Variants in PHRF1 observed in about 807,000 individuals in gnomAD.
PHRF1 encodes the protein PHD and RING finger domain-containing protein 1.
PHRF1 carries 53 observed loss-of-function variants against 128.9 expected under a neutral mutation model. The observed-to-expected ratio is 0.41, with a 90% CI of 0.33 to 0.52. The LOEUF (loss-of-function observed/expected upper bound fraction) is 0.52, where lower values mean the gene tolerates loss of function less well. Among genes scored for constraint, PHRF1 ranks in the 20% least tolerant of loss-of-function variants. The pLI, the probability that PHRF1 is intolerant of heterozygous loss-of-function variation, is 0.21. For synonymous variants in PHRF1, 1,178 were observed against 980.6 expected, an observed-to-expected ratio of 1.20 and a Z score of -3.76; for missense variants, 2,503 against 2,284.5, an observed-to-expected ratio of 1.10 and a Z score of -1.95.
chr11:599,533 CTG>C (rs1855508717), intron 9 of PHRF1, among the ~76,000 whole-genome samples: 1 of 152,070 alleles, frequency 6.6e-6, no homozygotes, highest in African/African-American at 2.4e-5. Context: ...TTACAGGCCT[CTG>C]AGCCACTGCG....
chr11:576,675 CGGCCTGCACCGCGGGGCGA>C (rs1217982690), intron 1 of PHRF1, 83 bp downstream of exon 1: 1 of 147,116 alleles, frequency 6.8e-6, no homozygotes, highest in East Asian at 2.0e-4. Context: ...GCTTTGTCTG[CGGCCTGCACCGCGGGGCGA>C]GGCCTGCGCC....
At position 606,520 on chromosome 11, in the gene PHRF1, G is replaced by A. The variant is rs1021210090; in HGVS notation, c.1533G>A (p.Ser511=). 12 of 1,609,610 alleles carry A rather than the reference G, an allele frequency of 7.5e-6. No homozygotes were observed. The African/African-American group carries it at 1.2e-4, about 16-fold the overall frequency. ...PVPDLLGSIL[S]GQSLLMLGSS... is the part of the protein sequence containing the mutation. The stretch of plus-strand genomic sequence containing the variant: ...CTGACCTGCTGGGCAGCATCCTGTC[G>A]GGCCAGAGCCTCCTGATGCTGGGCA... Residue 511 remains serine (S), a synonymous_variant, in exon 13 of 18, where the codon TCG becomes TCA. Transcript: ENST00000264555.
intron 1 of PHRF1, among the ~76,000 whole-genome samples, 167 bp downstream of exon 1, chr11:576,759 CCG>C (rs1853864229): frequency 1.8e-5 from 2 of 110,010 alleles, no homozygotes; most frequent in Non-Finnish European, 4.2e-5. Flanking sequence ...GGAGGCCCCG[CCG>C]AGACTGGGAG....
intron 3 of PHRF1, among the ~76,000 whole-genome samples, chr11:587,000 G>A (rs941391461): frequency 6.6e-6 from 1 of 152,212 alleles, no homozygotes; most frequent in Admixed American, 6.5e-5. Context: ...GCTTAGAGGA[G>A]CTGGTCTGGC....
chr11:606,899 G>A, intron 13 of PHRF1, 167 bp from the exon 14 acceptor site: 1 of 1,188,504 alleles, frequency 8.4e-7, no homozygotes, highest in Non-Finnish European at 1.1e-6. Flanking sequence ...CAGAGTGGCT[G>A]TTGAAGCAGC....
Position 601,612 on chromosome 11 carries a change from T to A in PHRF1, c.1063T>A (p.Ser355Thr), listed in dbSNP as rs1362608891. 1.9e-6 allele frequency: 3 copies of A among 1,613,586 alleles called. No individual in the cohort carries two copies. The highest frequency in any genetic ancestry group is 2.5e-6 in the Non-Finnish European group (3 of 1,179,850). ...AGTGCCGGGAAGAAAGAAAACCCCG[T>A]CCGGACCATCCGCAAAAAGTAAGAG... ...KKVPGRKKTP[S>T]GPSAKSKSSA... The change falls in exon 10 of 18, where the codon TCC becomes ACC. Residue 355 changes from serine (S) to threonine (T), a missense_variant. Ser to Thr is a moderately conservative substitution (Grantham distance 58, BLOSUM62 1). Transcript: ENST00000264555.
chr11:585,782 G>A (rs961274127), intron 3 of PHRF1, among the ~76,000 whole-genome samples: 85 of 150,000 alleles, frequency 5.7e-4, no homozygotes, highest in Non-Finnish European at 1.1e-3. Flanking sequence ...CCAGGTTCAC[G>A]CCATTCTCCT....
chr11:608,508 CGCTCTGGG>C lies in PHRF1; in HGVS notation c.3053_3060del (p.Arg1018HisfsTer4), dbSNP rs376527396. On this transcript the variant is annotated frameshift_variant, in exon 14 of 18. Transcript: ENST00000264555. LOFTEE classifies it high-confidence loss of function. Reference sequence around the variant, plus strand: ...GGTGTCCAGGGAGCACGGACGGACGCGCTCTGGGACGCGCTCTGAATCCAGGGACAGGA... The same window carrying C: ...GGTGTCCAGGGAGCACGGACGGACGCACGCGCTCTGAATCCAGGGACAGGA... 5.3e-5 allele frequency: 77 copies of C among 1,448,528 alleles called. No individual in the cohort carries two copies. The African/African-American group carries it at 7.8e-4, about 15-fold the overall frequency. 89.7% of individuals were successfully genotyped at this position (1,448,528 alleles called of 1,614,324 possible).
At chr11:598,568 C>T in intron 9 of PHRF1, 66 bp downstream of exon 9, 2 of 1,536,630 alleles carry the variant, frequency 1.3e-6, no homozygotes, top group Admixed American at 2.0e-5. Flanking sequence ...GGTCCACTCA[C>T]TGCTTCCCTC....
intron 1 of PHRF1, among the ~76,000 whole-genome samples, chr11:581,283 G>A (rs939607961): frequency 6.6e-6 from 1 of 152,166 alleles, no homozygotes; most frequent in Non-Finnish European, 1.5e-5. Context: ...GTGCTGTGGC[G>A]GTGGATGTGA....
At chr11:593,725 G>A (rs1031916723) in intron 6 of PHRF1, among the ~76,000 whole-genome samples, 2 of 152,212 alleles carry the variant, frequency 1.3e-5, no homozygotes, top group Non-Finnish European at 2.9e-5. Context: ...TGGGAGTACA[G>A]GGGCCTTGCA....
chr11:605,374 G>A, intron 11 of PHRF1, 74 bp downstream of exon 11: 2 of 1,567,150 alleles, frequency 1.3e-6, no homozygotes, highest in African/African-American at 2.7e-5. Context: ...GGGCCCCGAG[G>A]TGCATGCGGA....
chr11:579,446 G>A (rs1854085264), intron 1 of PHRF1, among the ~76,000 whole-genome samples: 1 of 152,226 alleles, frequency 6.6e-6, no homozygotes, highest in Non-Finnish European at 1.5e-5. Flanking sequence ...GGGGTCTGTT[G>A]TCAGGGTGGT....
At chr11:600,049 A>C (rs1855536969) in intron 9 of PHRF1, among the ~76,000 whole-genome samples, 1 of 151,842 alleles carries the variant, frequency 6.6e-6, no homozygotes, top group Admixed American at 6.6e-5. Context: ...ACAGATGTGC[A>C]GTGAGCTCAT....
chr11:577,043 G>A (rs1420329491), intron 1 of PHRF1, among the ~76,000 whole-genome samples: 1 of 152,236 alleles, frequency 6.6e-6, no homozygotes, highest in East Asian at 1.9e-4. Flanking sequence ...GTTTGGGAGA[G>A]AGCTGTGACT....
chr11:602,760 TG>T (rs1589890991), intron 10 of PHRF1, among the ~76,000 whole-genome samples: 5 of 140,796 alleles, frequency 3.6e-5, no homozygotes, highest in African/African-American at 9.5e-5. Flanking sequence ...GTTTTGTTTT[TG>T]TTTTTTTTGT....
intron 11 of PHRF1, 63 bp downstream of exon 11, chr11:605,363 G>T: frequency 6.3e-7 from 1 of 1,581,038 alleles, no homozygotes; most frequent in Non-Finnish European, 8.6e-7. Context: ...CTGTGGGCAC[G>T]GGGCCCCGAG....
chr11:607,141 G>A lies in PHRF1; in HGVS notation c.1685G>A (p.Arg562Gln), dbSNP rs370864261. 4.6e-5 allele frequency: 74 copies of A among 1,613,024 alleles called. No homozygotes were observed. Among genetic ancestry groups the A allele is most frequent in the Admixed American group, 8.3e-5 (5 of 60,020 alleles). Residue 562 changes from arginine (R) to glutamine (Q), a missense_variant, in exon 14 of 18, where the codon CGA becomes CAA. Physicochemically the swap from Arg to Gln is conservative, Grantham distance 43. Coordinates refer to ENST00000264555, the MANE Select transcript of PHRF1 (RefSeq NM_001286581.2). Reference sequence around the variant, plus strand: ...GGATTCAAGGGCTGCCTGCAGCCCCGAGCACTGCCCTCCGGGAGCCCGGCC... The same window carrying A: ...GGATTCAAGGGCTGCCTGCAGCCCCAAGCACTGCCCTCCGGGAGCCCGGCC... ...EEGFKGCLQP[R>Q]ALPSGSPAQG...
chr11:592,960 G>C (rs1855068221), intron 6 of PHRF1, among the ~76,000 whole-genome samples: 1 of 152,270 alleles, frequency 6.6e-6, no homozygotes, highest in Non-Finnish European at 1.5e-5. Flanking sequence ...TGGTCAGCCA[G>C]AGGGTGGGAC....
Sources: gnomAD v4.1 joint callset for allele counts (sites outside exome capture counted in the v4.1 genomes callset) on GRCh38, gnomAD v4.1.1 for gene constraint, MANE v1.5 for transcripts, NCBI Gene and HGNC (gene_info 2026-07-23, HGNC 2026-07-21) for gene names.